The following SLC4A7 variants were observed in gnomAD, a reference collection of about 807,000 sequenced individuals.
The protein encoded by SLC4A7 is solute carrier family 4 member 7.
In SLC4A7, 51 loss-of-function variants were observed where a neutral mutation model predicts 137.6. The ratio of observed to expected loss-of-function variants is 0.37; its 90% CI spans 0.30 to 0.47. The LOEUF (loss-of-function observed/expected upper bound fraction) is 0.47. Ranked by LOEUF, SLC4A7 falls within the 20% of genes least tolerant of loss-of-function variation. The pLI is 1.00. For missense variants in SLC4A7, 1,247 were observed against 1,525.4 expected, an observed-to-expected ratio of 0.82 and a Z score of 3.04; for synonymous variants, 542 against 518.6, an observed-to-expected ratio of 1.05 and a Z score of -0.61.
At chr3:27,398,733 G>C (rs2052457070) in intron 16 of SLC4A7, among the ~76,000 whole-genome samples, 1 of 152,040 alleles carries the variant, frequency 6.6e-6, no homozygotes, top group South Asian at 2.1e-4. Flanking sequence ...TTTCGTTTCT[G>C]AACAAGTGGT....
chr3:27,450,187 A>C (rs2150536661), intron 2 of SLC4A7, among the ~76,000 whole-genome samples: 1 of 152,278 alleles, frequency 6.6e-6, no homozygotes, highest in South Asian at 2.1e-4. Context: ...ACTTAACAAA[A>C]CATACTGAAC....
At chr3:27,397,902 G>C in intron 17 of SLC4A7, 105 bp from the exon 18 acceptor site, 1 of 681,322 alleles carries the variant, frequency 1.5e-6, no homozygotes, top group South Asian at 2.1e-5. Flanking sequence ...CGTACAAATG[G>C]AGCTTTTAAC....
Position 27,456,957 on chromosome 3 carries a change from C to T in SLC4A7, c.61-4459G>A, listed in dbSNP as rs546602275. 1.5e-5 allele frequency: 15 copies of T among 983,928 alleles called. No homozygotes were observed. In the East Asian group the frequency reaches 9.1e-4, roughly 60 times the overall value. The allele number at this position is 983,928 out of a possible 1,614,324, so 60.9% of individuals were successfully genotyped here. On this transcript the variant is annotated intron_variant, in intron 1 of 25. Transcript: ENST00000454389. ...AAATACCAAGAGGAATGCAGCAATCCGTTTTCAACTGAAACCTTTCTGCAA... is the reference window on the plus strand; with the variant it reads ...AAATACCAAGAGGAATGCAGCAATCTGTTTTCAACTGAAACCTTTCTGCAA...
intron 1 of SLC4A7, among the ~76,000 whole-genome samples, chr3:27,455,620 C>T (rs1355859419): frequency 7.4e-6 from 1 of 134,586 alleles, no homozygotes; most frequent in East Asian, 2.3e-4. Context: ...GTCGCCCAGG[C>T]TGGAGTGCAG....
intron 1 of SLC4A7, among the ~76,000 whole-genome samples, chr3:27,456,325 C>T (rs1225323288): frequency 1.3e-5 from 2 of 152,130 alleles, no homozygotes; most frequent in Non-Finnish European, 2.9e-5. Flanking sequence ...TCATAGTTAT[C>T]GAACACTTTA....
intron 9 of SLC4A7, among the ~76,000 whole-genome samples, chr3:27,421,308 G>C (rs2054950871): frequency 6.6e-6 from 1 of 151,888 alleles, no homozygotes; most frequent in African/African-American, 2.4e-5. Context: ...GACCAGATGG[G>C]ACAATGGCAA....
intron 10 of SLC4A7, among the ~76,000 whole-genome samples, chr3:27,419,534 C>T (rs183321695): frequency 9.4e-4 from 143 of 151,514 alleles, no homozygotes; most frequent in African/African-American, 3.4e-3. Context: ...TGGGGTTTCA[C>T]CACGTAGGCC....
At chr3:27,420,604 G>C in intron 10 of SLC4A7, 96 bp downstream of exon 10, 3 of 722,986 alleles carry the variant, frequency 4.1e-6, no homozygotes, top group Non-Finnish European at 6.5e-6. Flanking sequence ...AAGTTTTAGA[G>C]CTTCACTATG....
chr3:27,463,711 C>A (rs115819912), intron 1 of SLC4A7, among the ~76,000 whole-genome samples: 3 of 152,040 alleles, frequency 2.0e-5, no homozygotes, highest in Non-Finnish European at 4.4e-5. Context: ...GAACCTGACC[C>A]CTCCTGTTCC....
chr3:27,412,884 A>G (rs1159211285), intron 11 of SLC4A7, among the ~76,000 whole-genome samples: 3 of 152,016 alleles, frequency 2.0e-5, no homozygotes, highest in Non-Finnish European at 4.4e-5. Context: ...TGAAACAAGG[A>G]AAAAAAAGTG....
At chr3:27,463,009 C>A (rs1462409881) in intron 1 of SLC4A7, among the ~76,000 whole-genome samples, 1 of 152,260 alleles carries the variant, frequency 6.6e-6, no homozygotes, top group African/African-American at 2.4e-5. Context: ...AAAGCAGGGA[C>A]TGGGCGCAGT....
chr3:27,463,511 G>A (rs2058808783), intron 1 of SLC4A7, among the ~76,000 whole-genome samples: 1 of 152,104 alleles, frequency 6.6e-6, no homozygotes, highest in Admixed American at 6.5e-5. Context: ...CTGCACTCCA[G>A]CCTGGGCAAC....
rs1044512890 is a variant in SLC4A7, at chr3:27,398,475, T to C, written c.2428-122A>G. On this transcript the variant is annotated intron_variant, in intron 16 of 25. Coordinates refer to ENST00000454389, the MANE Select transcript of SLC4A7 (RefSeq NM_001321103.2). ...AAGAGGCACCATTACTTTGTATTCC[T>C]TATAAAGAAAAAACATTGTCCAGCC... The C allele has an allele frequency of 1.8e-5, 14 of 764,250 alleles. No individual in the cohort carries two copies. In the African/African-American group the frequency reaches 1.9e-4, roughly 11 times the overall value. The allele number at this position is 764,250 out of a possible 1,614,324, so 47.3% of individuals were successfully genotyped here.
At chr3:27,428,860 AAAAAG>A (rs1401031142) in intron 7 of SLC4A7, among the ~76,000 whole-genome samples, 1 of 152,242 alleles carries the variant, frequency 6.6e-6, no homozygotes, top group Non-Finnish European at 1.5e-5. Flanking sequence ...TGAAATAATT[AAAAAG>A]AAAAGTTACT....
intron 3 of SLC4A7, among the ~76,000 whole-genome samples, chr3:27,447,496 A>G (rs2057746741): frequency 6.6e-6 from 1 of 152,142 alleles, no homozygotes; most frequent in Non-Finnish European, 1.5e-5. Flanking sequence ...GCAACCGCCT[A>G]TAGGATGTGG....
intron 8 of SLC4A7, chr3:27,423,791 C>T: frequency 2.5e-6 from 1 of 396,632 alleles, no homozygotes; most frequent in East Asian, 4.6e-5. Flanking sequence ...GTATTATTCA[C>T]ATATTCTTTT....
chr3:27,459,790 T>C (rs965157069), intron 1 of SLC4A7, among the ~76,000 whole-genome samples: 5 of 152,064 alleles, frequency 3.3e-5, no homozygotes, highest in African/African-American at 4.8e-5. Flanking sequence ...TGAGATATAA[T>C]TACATTCTGT....
At chr3:27,448,085 G>A (rs560469714) in intron 3 of SLC4A7, among the ~76,000 whole-genome samples, 113 of 151,658 alleles carry the variant, frequency 7.5e-4, no homozygotes, top group Admixed American at 1.1e-3. Context: ...GGTGGCGTGC[G>A]CCTGTAATCT....
In SLC4A7 at chr3:27,403,393, A is replaced by G; in HGVS notation, c.2076-9T>C. 1 of 1,554,446 alleles carries G rather than the reference A, an allele frequency of 6.4e-7. No individual in the cohort carries two copies. The highest frequency in any genetic ancestry group is 8.7e-7 in the Non-Finnish European group (1 of 1,143,346). On this transcript the variant is annotated splice_polypyrimidine_tract_variant and intron_variant, in intron 14 of 25. Coordinates refer to ENST00000454389, the MANE Select transcript of SLC4A7 (RefSeq NM_001321103.2). ...AAGAAAGTTGATAATCTCTGTTTAG[A>G]AAGAAAAATATGAATATGATAAACA... is the stretch of plus-strand genomic sequence containing the variant.
Sources: gnomAD v4.1 joint callset for allele counts (sites outside exome capture counted in the v4.1 genomes callset) on GRCh38, gnomAD v4.1.1 for gene constraint, MANE v1.5 for transcripts, NCBI Gene and HGNC (gene_info 2026-07-23, HGNC 2026-07-21) for gene names.